The following ERCC6L2 variants were observed in gnomAD, a reference collection of about 807,000 sequenced individuals.
ERCC6L2 encodes DNA excision repair protein ERCC-6-like 2.
ERCC6L2 carries 77 observed loss-of-function variants against 132.0 expected under a neutral mutation model. The ratio of observed to expected loss-of-function variants is 0.58; its 90% CI spans 0.49 to 0.71. ERCC6L2 has a LOEUF of 0.71. Among genes scored for constraint, ERCC6L2 ranks in the 30% least tolerant of loss-of-function variants. The probability of loss-of-function intolerance (pLI) is 0.00; values close to 1 mark genes in which losing one functional copy is unlikely to be tolerated. For missense variants in ERCC6L2, 1,542 were observed against 1,837.6 expected, an observed-to-expected ratio of 0.84 and a Z score of 2.94; for synonymous variants, 583 against 632.4, an observed-to-expected ratio of 0.92 and a Z score of 1.17.
chr9:95,877,701 G>C (rs949735274), intron 1 of ERCC6L2, among the ~76,000 whole-genome samples: 2 of 151,950 alleles, frequency 1.3e-5, no homozygotes, highest in African/African-American at 4.8e-5. Flanking sequence ...CAGCTACTCA[G>C]GAGGCTGAGG....
chr9:95,900,302 C>T (rs1001389424), intron 3 of ERCC6L2, among the ~76,000 whole-genome samples: 3 of 151,918 alleles, frequency 2.0e-5, no homozygotes, highest in South Asian at 2.1e-4. Flanking sequence ...GTGAGAGAAT[C>T]GCATGAGCCC....
chr9:95,884,742 TG>T (rs1345385807), intron 2 of ERCC6L2, among the ~76,000 whole-genome samples: 1 of 152,242 alleles, frequency 6.6e-6, no homozygotes, highest in Non-Finnish European at 1.5e-5. Flanking sequence ...GCCATTTTGC[TG>T]GAGCTTTCAG....
At chr9:95,914,156 T>C (rs945140986) in intron 4 of ERCC6L2, among the ~76,000 whole-genome samples, 1 of 152,212 alleles carries the variant, frequency 6.6e-6, no homozygotes, top group Admixed American at 6.5e-5. Flanking sequence ...CACTTGATAT[T>C]GTTAATCATT....
chr9:96,012,821 A>T lies in ERCC6L2; in HGVS notation c.4271A>T (p.Lys1424Met). 1.5e-6 allele frequency: 2 copies of T among 1,367,596 alleles called. No homozygotes were observed. The highest frequency in any genetic ancestry group is 2.0e-6 in the Non-Finnish European group (2 of 1,021,844). 84.7% of individuals were successfully genotyped at this position (1,367,596 alleles called of 1,614,324 possible). A position where few individuals can be genotyped will look rare whatever the true frequency, so the allele number is the denominator to read the frequency against. Reference protein sequence around the residue: ...KEPLLKLENKKIENPVLENTS... With the variant: ...KEPLLKLENKMIENPVLENTS... The stretch of plus-strand genomic sequence containing the variant: ...CCCCTTCTCAAATTGGAAAACAAAA[A>T]GATAGAAAATCCAGTGCTGGAAAAT... Residue 1424 changes from lysine to methionine, a missense_variant, in exon 19 of 19, where the codon AAG becomes ATG. This residue lies in a region of ERCC6L2 where 442 missense variants were observed against 583.4 expected (regional missense o/e 0.76). Transcript: ENST00000653738.
At chr9:95,906,546 G>C in intron 3 of ERCC6L2, 1 of 427,438 alleles carries the variant, frequency 2.3e-6, no homozygotes, top group Non-Finnish European at 4.6e-6. Flanking sequence ...ACTGAGAGAA[G>C]TTCATCCAGG....
At chr9:95,963,215 A>C (rs1831994886) in intron 13 of ERCC6L2, among the ~76,000 whole-genome samples, 1 of 151,808 alleles carries the variant, frequency 6.6e-6, no homozygotes, top group East Asian at 1.9e-4. Flanking sequence ...GAAGAATTGC[A>C]AGAACAGCAG....
At chr9:96,020,922 C>T (rs1447473948), downstream of ERCC6L2, 8 of 456,572 alleles carry the variant, frequency 1.8e-5, no homozygotes, top group Non-Finnish European at 3.5e-5. Context: ...GACAATTCAC[C>T]CACCCTCCAA....
chr9:95,962,684 G>C (rs1831965353), intron 13 of ERCC6L2, among the ~76,000 whole-genome samples: 1 of 152,108 alleles, frequency 6.6e-6, no homozygotes. Context: ...TTATGACATG[G>C]TTCAACTTAA....
chr9:95,982,974 T>G (rs573484300), intron 17 of ERCC6L2, among the ~76,000 whole-genome samples: 1 of 152,284 alleles, frequency 6.6e-6, no homozygotes, highest in South Asian at 2.1e-4. Flanking sequence ...CATGCACTAA[T>G]GTAACTGATG....
intron 17 of ERCC6L2, among the ~76,000 whole-genome samples, chr9:96,001,301 C>T (rs978130681): frequency 6.6e-6 from 1 of 152,192 alleles, no homozygotes; most frequent in Non-Finnish European, 1.5e-5. Context: ...CTTTTATTCT[C>T]TTATCTGGCC....
intron 4 of ERCC6L2, among the ~76,000 whole-genome samples, chr9:95,913,266 C>T (rs553994487): frequency 2.0e-4 from 31 of 152,068 alleles, no homozygotes; most frequent in African/African-American, 6.3e-4. Context: ...CATTAATTAC[C>T]GGTATTCTCC....
intron 12 of ERCC6L2, among the ~76,000 whole-genome samples, chr9:95,947,355 C>T (rs951387112): frequency 6.6e-6 from 1 of 152,188 alleles, no homozygotes; most frequent in African/African-American, 2.4e-5. Flanking sequence ...CTCTAACACA[C>T]TTCAGTTCTT....
At chr9:96,029,164 C>T (rs1000894156) in intron 19 of ERCC6L2, among the ~76,000 whole-genome samples, 26 of 151,656 alleles carry the variant, frequency 1.7e-4, no homozygotes, top group Non-Finnish European at 3.2e-4. Flanking sequence ...ATTAGCCGGG[C>T]GTGGTGGCAC....
chr9:95,964,113 T>A (rs1431668577), intron 13 of ERCC6L2, among the ~76,000 whole-genome samples: 2 of 152,146 alleles, frequency 1.3e-5, no homozygotes, highest in Non-Finnish European at 2.9e-5. Context: ...ACCACTATAA[T>A]GGTTGTCAGG....
At position 95,881,179 on chromosome 9, in the gene ERCC6L2, C is replaced by T. The variant is rs1827571278; in HGVS notation, c.357C>T (p.Ile119=). The T allele has an allele frequency of 6.2e-7, 1 of 1,613,270 alleles. No individual in the cohort carries two copies. Among genetic ancestry groups the T allele is most frequent in the African/African-American group, 1.3e-5 (1 of 74,916 alleles). ...SDNGDSIPYT[I]NRYLRDYQRE... ...ATGGAGACTCTATTCCTTATACCAT[C>T]AATAGGTATTTGAGAGACTACCAAA... Residue 119 remains isoleucine, a synonymous_variant, in exon 2 of 19, where the codon ATC becomes ATT. Coordinates refer to ENST00000653738, the MANE Select transcript of ERCC6L2 (RefSeq NM_020207.7).
In ERCC6L2 at chr9:95,999,146, G is replaced by C. The variant is rs554808831; in HGVS notation, c.3493-5374G>C. On this transcript the variant is annotated intron_variant, in intron 17 of 18. Coordinates refer to ENST00000653738, the MANE Select transcript of ERCC6L2 (RefSeq NM_020207.7). Reference sequence around the variant, plus strand: ...GAGGTCGAGGCAGGCAGATCACGAAGTCAGGAGATCTAGACCATCCTGGCT... The same window carrying C: ...GAGGTCGAGGCAGGCAGATCACGAACTCAGGAGATCTAGACCATCCTGGCT... Among the ~76,000 whole-genome samples, 8 of 152,262 alleles carry C rather than the reference G, an allele frequency of 5.3e-5. No individual in the cohort carries two copies. In the East Asian group the frequency reaches 5.8e-4, roughly 11 times the overall value.
intron 2 of ERCC6L2, among the ~76,000 whole-genome samples, chr9:95,887,590 T>C (rs1827940008): frequency 6.6e-6 from 1 of 152,206 alleles, no homozygotes; most frequent in South Asian, 2.1e-4. Context: ...AGACATTCTT[T>C]GAATTTTTGT....
chr9:96,020,204 C>A, downstream of ERCC6L2: 1 of 156,574 alleles, frequency 6.4e-6, no homozygotes. Flanking sequence ...TGTGAACTCA[C>A]TGTCACGAGA....
intron 19 of ERCC6L2, among the ~76,000 whole-genome samples, chr9:96,024,095 G>A (rs557973341): frequency 2.4e-4 from 37 of 152,302 alleles, no homozygotes; most frequent in Non-Finnish European, 1.6e-4. Flanking sequence ...CTTTCCAGAA[G>A]GGAACCGAAA....
Sources: gnomAD v4.1 joint callset for allele counts (sites outside exome capture counted in the v4.1 genomes callset) on GRCh38, gnomAD v4.1.1 for gene constraint, gnomAD v4.1.1 regional missense constraint, MANE v1.5 for transcripts, NCBI Gene and HGNC (gene_info 2026-07-23, HGNC 2026-07-21) for gene names.